TEX48: variants seen among roughly 807,000 people sequenced by gnomAD.
The protein encoded by TEX48 is testis expressed 48.
TEX48 carries 10 observed loss-of-function variants against 13.2 expected under a neutral mutation model. The observed-to-expected ratio is 0.75, with a 90% confidence interval of 0.47 to 1.28. TEX48 has a LOEUF of 1.28. Among genes scored for constraint, TEX48 ranks in the 50% most tolerant of loss-of-function variants. TEX48 has a pLI of 0.00. For missense variants in TEX48, 116 were observed against 139.4 expected, an observed-to-expected ratio of 0.83 and a Z score of 0.84; for synonymous variants, 45 against 52.3, an observed-to-expected ratio of 0.86 and a Z score of 0.60.
chr9:114,679,286 T>G (rs2133768352), intron 1 of TEX48, among the ~76,000 whole-genome samples: 1 of 149,510 alleles, frequency 6.7e-6, no homozygotes, highest in Non-Finnish European at 1.5e-5. Context: ...GATAATCTTT[T>G]GACCTACTAG....
chr9:114,670,356 CAT>C (rs1396862100), intron 3 of TEX48, among the ~76,000 whole-genome samples: 1 of 152,142 alleles, frequency 6.6e-6, no homozygotes, highest in Non-Finnish European at 1.5e-5. Context: ...AAGACCCTCA[CAT>C]GTGGATTTCT....
chr9:114,680,895 C>A (rs141636936), intron 1 of TEX48, among the ~76,000 whole-genome samples: 1 of 152,318 alleles, frequency 6.6e-6, no homozygotes, highest in Non-Finnish European at 1.5e-5. Context: ...AACACTGCTG[C>A]CTCTGAAACA....
At chr9:114,678,395 C>T (rs996854816) in intron 1 of TEX48, among the ~76,000 whole-genome samples, 5 of 152,122 alleles carry the variant, frequency 3.3e-5, no homozygotes, top group Admixed American at 2.6e-4. Flanking sequence ...TCAAGAGAGG[C>T]CGAATTTAAA....
At chr9:114,679,511 T>C (rs1322424531) in intron 1 of TEX48, among the ~76,000 whole-genome samples, 3 of 152,118 alleles carry the variant, frequency 2.0e-5, no homozygotes, top group Admixed American at 1.3e-4. Context: ...GCCTCTAAAC[T>C]CCCAAAGGGC....
At chr9:114,674,241 A>T (rs1329060281) in intron 1 of TEX48, among the ~76,000 whole-genome samples, 1 of 151,984 alleles carries the variant, frequency 6.6e-6, no homozygotes, top group African/African-American at 2.4e-5. Flanking sequence ...TCCACCCACA[A>T]CCCTCATCAC....
At chr9:114,681,162 G>A (rs185751980) in intron 1 of TEX48, among the ~76,000 whole-genome samples, 1 of 152,218 alleles carries the variant, frequency 6.6e-6, no homozygotes, top group Admixed American at 6.5e-5. Context: ...TTTGCACCTT[G>A]ATTTTTTTCA....
At position 114,674,652 on chromosome 9, in the gene TEX48, TCC is replaced by T. The variant is rs1564317154; in HGVS notation, c.-104-2827_-104-2826del. ...TTCCTTCCTTCCTTCCTTCCTTCCT[TCC>T]TTCCTTCCTTCCTTCTTTCCTTCTC... On this transcript the variant is annotated intron_variant, in intron 1 of 4. Transcript: ENST00000436752. Among the ~76,000 whole-genome samples, 707 of 113,510 alleles carry T rather than the reference TCC, an allele frequency of 6.2e-3. 27 individuals are homozygous for T. The highest frequency in any genetic ancestry group is 0.029 in the African/African-American group (688 of 24,044). The allele number at this position is 113,510 out of a possible 152,430, so 74.5% of individuals were successfully genotyped here.
chr9:114,668,409 A>C (rs145089421), intron 3 of TEX48, 72 bp from the exon 4 acceptor site: 30 of 1,406,180 alleles, frequency 2.1e-5, no homozygotes, highest in Non-Finnish European at 2.8e-5. Context: ...GATGTTTTGC[A>C]AGCTCTGAAG....
intron 1 of TEX48, among the ~76,000 whole-genome samples, chr9:114,673,026 G>C (rs7869653): frequency 6.6e-6 from 1 of 151,810 alleles, no homozygotes; most frequent in Non-Finnish European, 1.5e-5. Context: ...CTGACCTTGC[G>C]GGATGCTACC....
intron 4 of TEX48, among the ~76,000 whole-genome samples, chr9:114,667,890 A>G (rs981286622): frequency 1.7e-5 from 2 of 119,522 alleles, no homozygotes; most frequent in African/African-American, 7.0e-5. Flanking sequence ...TAGACAACAG[A>G]GGGAGACTCC....
At chr9:114,677,233 G>GTTTT (rs1375690429) in intron 1 of TEX48, among the ~76,000 whole-genome samples, 1 of 73,956 alleles carries the variant, frequency 1.4e-5, no homozygotes, top group African/African-American at 1.1e-4. Flanking sequence ...CAGGTGAGGT[G>GTTTT]TTTTTGTTTG....
Position 114,666,632 on chromosome 9 carries a change from G to C in TEX48, c.*11C>G, listed in dbSNP as rs547207700. 28 of 1,483,398 alleles carry C rather than the reference G, an allele frequency of 1.9e-5. No homozygotes were observed. Among genetic ancestry groups the C allele is most frequent in the Admixed American group, 4.2e-5 (2 of 47,626 alleles). 91.9% of individuals were successfully genotyped at this position (1,483,398 alleles called of 1,614,324 possible). A position where few individuals can be genotyped will look rare whatever the true frequency, so the allele number is the denominator to read the frequency against. ...ATGCCCCAGCAGCTGTGCAGCCGCC[G>C]GCTAGAATGCTCAGGGCCTCCCAGT... On this transcript the variant is annotated 3_prime_UTR_variant, in exon 5 of 5. Transcript: ENST00000436752.
Position 114,671,517 on chromosome 9 carries a change from A to G in TEX48, c.5-12T>C, listed in dbSNP as rs1223837570. ...GTTTTGGTGGGCTGCTGTTGGAGGCAAAGGAATGAGGGGCATGGGTTCCGG... is the reference window on the plus strand; with the variant it reads ...GTTTTGGTGGGCTGCTGTTGGAGGCGAAGGAATGAGGGGCATGGGTTCCGG... On this transcript the variant is annotated splice_polypyrimidine_tract_variant and intron_variant, in intron 2 of 4. Coordinates refer to ENST00000436752, the MANE Select transcript of TEX48 (RefSeq NM_001199233.2). 2.0e-6 allele frequency: 3 copies of G among 1,493,430 alleles called. No homozygotes were observed. The highest frequency in any genetic ancestry group is 2.2e-5 in the Admixed American group (1 of 45,062). 92.5% of individuals were successfully genotyped at this position (1,493,430 alleles called of 1,614,324 possible).
At chr9:114,667,999 C>T (rs1261336660) in intron 4 of TEX48, among the ~76,000 whole-genome samples, 1 of 151,654 alleles carries the variant, frequency 6.6e-6, no homozygotes, top group Non-Finnish European at 1.5e-5. Context: ...CCTTCTCATG[C>T]ACTTCCTAGC....
At chr9:114,669,241 A>T (rs1200101467) in intron 3 of TEX48, among the ~76,000 whole-genome samples, 1 of 152,174 alleles carries the variant, frequency 6.6e-6, no homozygotes, top group Non-Finnish European at 1.5e-5. Context: ...TGAATAATGT[A>T]AGATTTATTT....
chr9:114,668,144 T>C, intron 4 of TEX48, 62 bp downstream of exon 4: 1 of 1,529,764 alleles, frequency 6.5e-7, no homozygotes. Flanking sequence ...GTCTGGTTAT[T>C]AGGACCAGGC....
intron 1 of TEX48, among the ~76,000 whole-genome samples, chr9:114,680,276 C>A (rs1270919679): frequency 6.6e-6 from 1 of 151,882 alleles, no homozygotes; most frequent in Non-Finnish European, 1.5e-5. Context: ...TACAGGCATG[C>A]ACCACCACGC....
chr9:114,667,225 AG>A (rs563477553), intron 4 of TEX48, among the ~76,000 whole-genome samples: 3 of 152,210 alleles, frequency 2.0e-5, no homozygotes, highest in Non-Finnish European at 4.4e-5. Flanking sequence ...GCTGTTTTCA[AG>A]GGGGTTTAGT....
At chr9:114,672,856 T>C (rs536847746) in intron 1 of TEX48, among the ~76,000 whole-genome samples, 50 of 152,250 alleles carry the variant, frequency 3.3e-4, no homozygotes, top group South Asian at 6.2e-4. Flanking sequence ...TCTAGTTCTA[T>C]AAAAACCAGT....
Sources: allele counts gnomAD v4.1 joint callset (sites outside exome capture counted in the v4.1 genomes callset), GRCh38; gene constraint gnomAD v4.1.1; transcripts MANE v1.5; gene names NCBI Gene and HGNC (gene_info 2026-07-23, HGNC 2026-07-21).